KIAA0825: variants seen among roughly 807,000 people sequenced by gnomAD.
KIAA0825 encodes the protein KIAA0825.
A neutral mutation model predicts 147.6 loss-of-function variants in KIAA0825; 119 were observed. That is an observed-to-expected ratio of 0.81 (90% CI 0.69 to 0.94). The LOEUF is 0.94. Among genes scored for constraint, KIAA0825 ranks in the 40% least tolerant of loss-of-function variants. KIAA0825 has a pLI of 0.00. For missense variants in KIAA0825, 1,381 were observed against 1,472.7 expected, an observed-to-expected ratio of 0.94 and a Z score of 1.02; for synonymous variants, 470 against 518.1, an observed-to-expected ratio of 0.91 and a Z score of 1.26.
At chr5:94,370,601 T>C (rs1259315120) in intron 20 of KIAA0825, among the ~76,000 whole-genome samples, 1 of 152,092 alleles carries the variant, frequency 6.6e-6, no homozygotes, top group East Asian at 1.9e-4. Flanking sequence ...TATTATAAGT[T>C]GATAAATTTA....
At chr5:94,524,418 G>A (rs1204370294) in intron 3 of KIAA0825, among the ~76,000 whole-genome samples, 1 of 151,752 alleles carries the variant, frequency 6.6e-6, no homozygotes, top group South Asian at 2.1e-4. Flanking sequence ...GGATGAAAGG[G>A]AGAGATAAAA....
chr5:94,560,196 A>G (rs1400547488), intron 2 of KIAA0825, among the ~76,000 whole-genome samples: 1 of 152,168 alleles, frequency 6.6e-6, no homozygotes, highest in Non-Finnish European at 1.5e-5. Context: ...TAACTACAAG[A>G]TAGTATATAA....
intron 13 of KIAA0825, among the ~76,000 whole-genome samples, chr5:94,449,114 C>T (rs1352993176): frequency 6.6e-6 from 1 of 152,018 alleles, no homozygotes; most frequent in East Asian, 1.9e-4. Context: ...AGAAAGGAAA[C>T]TGCATAAACA....
chr5:94,507,823 AG>A (rs1765941347), intron 5 of KIAA0825, among the ~76,000 whole-genome samples: 1 of 152,232 alleles, frequency 6.6e-6, no homozygotes, highest in Non-Finnish European at 1.5e-5. Context: ...AGTAAAAACA[AG>A]GCAACTTAGC....
At chr5:94,309,754 G>T (rs1181537047) in intron 20 of KIAA0825, among the ~76,000 whole-genome samples, 2 of 151,668 alleles carry the variant, frequency 1.3e-5, no homozygotes, top group Admixed American at 6.6e-5. Context: ...TTGCTGTATG[G>T]TTCATCGGTT....
At chr5:94,366,144 T>C (rs1745820084) in intron 20 of KIAA0825, among the ~76,000 whole-genome samples, 1 of 152,204 alleles carries the variant, frequency 6.6e-6, no homozygotes, top group Non-Finnish European at 1.5e-5. Context: ...CACCAAATTC[T>C]TGGGGAGACT....
intron 20 of KIAA0825, among the ~76,000 whole-genome samples, chr5:94,169,376 G>A (rs1399630217): frequency 6.6e-6 from 1 of 152,162 alleles, no homozygotes; most frequent in African/African-American, 2.4e-5. Flanking sequence ...GAGGTCAGGA[G>A]TTCAAGACCA....
In KIAA0825 at chr5:94,516,618, C is replaced by T. The variant is rs552694726; in HGVS notation, c.970+3630G>A. Among the ~76,000 whole-genome samples the T allele has an allele frequency of 1.1e-3, 153 of 141,830 alleles. 2 individuals carry two copies. The highest frequency in any genetic ancestry group is 9.4e-3 in the Admixed American group (131 of 13,906). The allele number at this position is 141,830 out of a possible 152,430, so 93.0% of individuals were successfully genotyped here. A position where few individuals can be genotyped will look rare whatever the true frequency, so the allele number is the denominator to read the frequency against. On this transcript the variant is annotated intron_variant, in intron 5 of 20. Coordinates refer to ENST00000682413, the MANE Select transcript of KIAA0825 (RefSeq NM_001145678.3). ...GGAGATCGAGACCACGGTGAAACCC[C>T]GTCTCTACTAAAAATACAAAAAATT...
chr5:94,239,870 G>A (rs895226389), intron 20 of KIAA0825, among the ~76,000 whole-genome samples: 4 of 152,062 alleles, frequency 2.6e-5, no homozygotes, highest in Non-Finnish European at 4.4e-5. Flanking sequence ...TTCAGAAGTA[G>A]CCTGCAAATA....
intron 2 of KIAA0825, among the ~76,000 whole-genome samples, chr5:94,553,804 T>A (rs867310044): frequency 2.0e-5 from 3 of 150,546 alleles, no homozygotes; most frequent in Admixed American, 1.3e-4. Flanking sequence ...GAAAAAAAAA[T>A]TTAAAAATGA....
chr5:94,181,882 G>A (rs1469247279), intron 20 of KIAA0825, among the ~76,000 whole-genome samples: 1 of 152,110 alleles, frequency 6.6e-6, no homozygotes, highest in Non-Finnish European at 1.5e-5. Flanking sequence ...TATGTCTTCA[G>A]GTTAGGTTTA....
chr5:94,284,599 C>G (rs1777587685), intron 20 of KIAA0825, among the ~76,000 whole-genome samples: 1 of 152,132 alleles, frequency 6.6e-6, no homozygotes, highest in Non-Finnish European at 1.5e-5. Context: ...TGGAGCTTAT[C>G]ATTCAATTCT....
intron 18 of KIAA0825, among the ~76,000 whole-genome samples, chr5:94,388,616 G>T (rs941096487): frequency 1.3e-5 from 2 of 152,130 alleles, no homozygotes; most frequent in Non-Finnish European, 2.9e-5. Flanking sequence ...TTCGCCTTAC[G>T]TAACTACATT....
rs1024730703 is a variant in KIAA0825 at position 94,520,859 on chromosome 5, T to C, written c.359A>G (p.Asp120Gly). The C allele has an allele frequency of 3.7e-6, 6 of 1,611,106 alleles. No individual in the cohort carries two copies. The highest frequency in any genetic ancestry group is 5.1e-6 in the Non-Finnish European group (6 of 1,178,644). ...TGAAACGCTGCTGTGGCAGGAGAGGTCCCAAAGTAAATCCAATGTCATTTC... is the reference window on the plus strand; with the variant it reads ...TGAAACGCTGCTGTGGCAGGAGAGGCCCCAAAGTAAATCCAATGTCATTTC... ...QEEMTLDLLW[D>G]LSCHSSVSFP... The change falls in exon 5 of 21, where the codon GAC becomes GGC. Residue 120 changes from aspartate (D) to glycine (G), a missense_variant. Transcript: ENST00000682413.
At chr5:94,208,956 C>A (rs1015975220) in intron 20 of KIAA0825, among the ~76,000 whole-genome samples, 2 of 152,124 alleles carry the variant, frequency 1.3e-5, no homozygotes, top group Non-Finnish European at 2.9e-5. Context: ...AGGCCCATCC[C>A]AAAAATTTGT....
At position 94,409,335 on chromosome 5, in the gene KIAA0825, A is replaced by G. The variant is rs1562468629; in HGVS notation, c.2663-5542T>C. Among the ~76,000 whole-genome samples, 3 of 152,236 alleles carry G rather than the reference A, an allele frequency of 2.0e-5. No homozygotes were observed. The East Asian group carries it at 5.8e-4, about 29-fold the overall frequency. On this transcript the variant is annotated intron_variant, in intron 15 of 20. Transcript: ENST00000682413. Reference sequence around the variant, plus strand: ...ATATATGCAAAATAACTATTTTCACATATTAGACAACAGGAAACACTGTAA... The same window carrying G: ...ATATATGCAAAATAACTATTTTCACGTATTAGACAACAGGAAACACTGTAA...
intron 20 of KIAA0825, among the ~76,000 whole-genome samples, chr5:94,302,460 A>T (rs1481360912): frequency 6.6e-6 from 1 of 152,158 alleles, no homozygotes; most frequent in Non-Finnish European, 1.5e-5. Context: ...TATTGATGAC[A>T]GTACATCAAT....
intron 20 of KIAA0825, among the ~76,000 whole-genome samples, chr5:94,176,172 G>C (rs959703729): frequency 6.6e-6 from 1 of 152,070 alleles, no homozygotes; most frequent in Non-Finnish European, 1.5e-5. Flanking sequence ...TCTCTTGCAA[G>C]GGTGAGTTCT....
At position 94,600,812 on chromosome 5, in the gene KIAA0825, G is replaced by C. The variant is rs564164331; in HGVS notation, c.-153+17688C>G. 7.9e-4 allele frequency among the ~76,000 whole-genome samples: 121 copies of C among 152,300 alleles called. 1 individual carries two copies. The highest frequency in any genetic ancestry group is 2.2e-3 in the Admixed American group (34 of 15,306). On this transcript the variant is annotated intron_variant, in intron 1 of 20. Transcript: ENST00000682413. ...TACTCTACAAAAGTGTGACCAGATT[G>C]CTTCCTTAAGTGGGTCCCCAATCTG...
Sources: gnomAD v4.1 joint callset for allele counts (sites outside exome capture counted in the v4.1 genomes callset) on GRCh38, gnomAD v4.1.1 for gene constraint, MANE v1.5 for transcripts, NCBI Gene and HGNC (gene_info 2026-07-23, HGNC 2026-07-21) for gene names.